PRPF6: variants seen among roughly 807,000 people sequenced by gnomAD.
PRPF6 encodes pre-mRNA-processing factor 6.
In PRPF6, 42 loss-of-function variants were observed where a neutral mutation model predicts 118.3. The ratio of observed to expected loss-of-function variants is 0.35; its 90% CI spans 0.28 to 0.46. The LOEUF is 0.46. Among genes scored for constraint, PRPF6 ranks in the 20% least tolerant of loss-of-function variants. PRPF6 has a pLI of 1.00. For synonymous variants in PRPF6, 481 were observed against 485.1 expected (o/e 0.99, Z 0.11); for missense variants, 662 against 1,255.7 (o/e 0.53, Z 7.15).
rs913658186 is a variant in PRPF6 at position 64,026,519 on chromosome 20, CAACA to C, written c.2029-458_2029-455del. On this transcript the variant is annotated intron_variant, in intron 15 of 20. Transcript: ENST00000266079. This position sits in a 1 kb window ranked among gnomAD's most constrained non-coding sequence, Gnocchi z 4.4. ...GAAACTGTCTCAGCAACAACAACAACAACAAACATGTTCATACGGCCGGGTGTGG... is the reference window on the plus strand; with the variant it reads ...GAAACTGTCTCAGCAACAACAACAACAACATGTTCATACGGCCGGGTGTGG... Among the ~76,000 whole-genome samples the C allele has an allele frequency of 3.4e-5, 5 of 149,118 alleles. No homozygotes were observed. The highest frequency in any genetic ancestry group is 9.9e-5 in the African/African-American group (4 of 40,334).
chr20:64,000,422 G>A (rs1361930631), intron 8 of PRPF6, among the ~76,000 whole-genome samples: 2 of 139,104 alleles, frequency 1.4e-5, no homozygotes, highest in African/African-American at 5.4e-5. Flanking sequence ...GCACCATGCT[G>A]CTCCAGCCTG....
intron 12 of PRPF6, among the ~76,000 whole-genome samples, chr20:64,022,004 G>A (rs1165902537): frequency 1.3e-5 from 2 of 149,740 alleles, no homozygotes; most frequent in Non-Finnish European, 2.9e-5. Context: ...GTGTGTGTGT[G>A]TGTGTGTGTG....
chr20:64,001,548 C>T (rs1386839798), intron 9 of PRPF6, among the ~76,000 whole-genome samples: 2 of 152,182 alleles, frequency 1.3e-5, no homozygotes, highest in South Asian at 2.1e-4. Flanking sequence ...GTGAGAACAA[C>T]GGTAGCTCAA....
At chr20:64,030,859 G>A (rs1359627347) in intron 19 of PRPF6, among the ~76,000 whole-genome samples, 1 of 152,220 alleles carries the variant, frequency 6.6e-6, no homozygotes. Flanking sequence ...AGACGAACCC[G>A]AACAGCTGCC....
At position 64,026,285 on chromosome 20, in the gene PRPF6, TC is replaced by T. The variant is rs2059290521; in HGVS notation, c.2028+228del. Among the ~76,000 whole-genome samples, 2 of 151,638 alleles carry T rather than the reference TC, an allele frequency of 1.3e-5. No individual in the cohort carries two copies. Among genetic ancestry groups the T allele is most frequent in the African/African-American group, 4.9e-5 (2 of 41,202 alleles). On this transcript the variant is annotated intron_variant, in intron 15 of 20. Transcript: ENST00000266079. This position sits in a 1 kb window ranked among gnomAD's most constrained non-coding sequence, Gnocchi z 4.4. ...ACTTTGGGAGGCCAAGGCGGACAGA[TC>T]ACCTGAGGGTGGGAGTTTGAGACCA...
intron 19 of PRPF6, 59 bp from the exon 20 acceptor site, chr20:64,031,859 G>GC (rs2059316152): frequency 6.2e-7 from 1 of 1,612,764 alleles, no homozygotes; most frequent in African/African-American, 1.3e-5. Flanking sequence ...CCGTTCCCCT[G>GC]CCCCAGAATA....
At chr20:64,030,465 C>T (rs1466086450) in intron 19 of PRPF6, among the ~76,000 whole-genome samples, 1 of 152,168 alleles carries the variant, frequency 6.6e-6, no homozygotes, top group African/African-American at 2.4e-5. Context: ...GGTGCTTGGT[C>T]TCCAGAGGTC....
Position 64,027,750 on chromosome 20 carries a change from G to T in PRPF6, c.2339+14G>T. 1 of 1,613,494 alleles carries T rather than the reference G, an allele frequency of 6.2e-7. No individual in the cohort carries two copies. Among genetic ancestry groups the T allele is most frequent in the Non-Finnish European group, 8.5e-7 (1 of 1,179,996 alleles). On this transcript the variant is annotated intron_variant, in intron 17 of 20. Transcript: ENST00000266079. This position sits in a 1 kb window ranked among gnomAD's most constrained non-coding sequence, Gnocchi z 6.5. ...CCCTGGGCTGTGGTGAGTCCTGGAG[G>T]GGGCAGCCTGGCCTCTGGGCACAGC...
At chr20:63,989,384 C>T (rs1181365659) in intron 3 of PRPF6, among the ~76,000 whole-genome samples, 3 of 151,710 alleles carry the variant, frequency 2.0e-5, no homozygotes, top group Non-Finnish European at 1.5e-5. Context: ...GGCTCGCTCC[C>T]GTGAGCCAAG....
chr20:63,983,947 C>G (rs1472128238), intron 2 of PRPF6, among the ~76,000 whole-genome samples: 1 of 152,164 alleles, frequency 6.6e-6, no homozygotes, highest in Admixed American at 6.5e-5. Flanking sequence ...GCCACTGCGC[C>G]TGGCTGCCAG....
intron 6 of PRPF6, among the ~76,000 whole-genome samples, chr20:63,998,101 T>G (rs2059149247): frequency 6.6e-6 from 1 of 152,110 alleles, no homozygotes; most frequent in Non-Finnish European, 1.5e-5. Flanking sequence ...AAAATTTTAT[T>G]TATTTTTTTT....
intron 1 of PRPF6, among the ~76,000 whole-genome samples, chr20:63,982,688 C>T (rs943601497): frequency 2.0e-5 from 3 of 152,050 alleles, no homozygotes; most frequent in Non-Finnish European, 2.9e-5. Context: ...ATCATGGTCC[C>T]GTGGCATCTG....
Position 63,987,781 on chromosome 20 carries a change from C to G in PRPF6, c.359+2756C>G, listed in dbSNP as rs569564124. Among the ~76,000 whole-genome samples, 5 of 152,328 alleles carry G rather than the reference C, an allele frequency of 3.3e-5. No individual in the cohort carries two copies. The South Asian group carries it at 1.0e-3, about 32-fold the overall frequency. ...CAGGCTATGCCCCCAGGTGTGGTGG[C>G]TCACACCTGTAATCCCAGCACTTTG... is the stretch of plus-strand genomic sequence containing the variant. On this transcript the variant is annotated intron_variant, in intron 3 of 20. Coordinates refer to ENST00000266079, the MANE Select transcript of PRPF6 (RefSeq NM_012469.4).
At position 63,994,159 on chromosome 20, in the gene PRPF6, T is replaced by C. The variant is rs1468708674; in HGVS notation, c.438+674T>C. 5.7e-5 allele frequency among the ~76,000 whole-genome samples: 8 copies of C among 140,208 alleles called. No homozygotes were observed. The Admixed American group carries it at 5.7e-4, about 10-fold the overall frequency. 92.0% of individuals were successfully genotyped at this position (140,208 alleles called of 152,430 possible). The stretch of plus-strand genomic sequence containing the variant: ...TAAATTGATTTTTCTTTTCTTTTTC[T>C]TTTTTTTTTTTTTTTGAGACGGAGT... On this transcript the variant is annotated intron_variant, in intron 4 of 20. Transcript: ENST00000266079.
At chr20:63,999,494 A>G in intron 7 of PRPF6, 109 bp from the exon 8 acceptor site, 2 of 1,432,124 alleles carry the variant, frequency 1.4e-6, no homozygotes, top group Non-Finnish European at 2.0e-6. Flanking sequence ...TCAGGACATC[A>G]GGACTGATAG....
rs764828248 is a variant in PRPF6 at position 63,995,365 on chromosome 20, A to G, written c.654A>G (p.Leu218=). 3 of 1,613,782 alleles carry G rather than the reference A, an allele frequency of 1.9e-6. No homozygotes were observed. Among genetic ancestry groups the G allele is most frequent in the South Asian group, 1.1e-5 (1 of 91,052 alleles). The change falls in exon 6 of 21, where the codon CTA becomes CTG. Residue 218 remains leucine (L), a synonymous_variant. Transcript: ENST00000266079. ...TTAACACACCCTATCCAGGTGGACT[A>G]AACACTCCATACCCAGGTGGAATGA... The part of the protein sequence containing the change: ...GGLNTPYPGG[L]NTPYPGGMTP...
intron 19 of PRPF6, among the ~76,000 whole-genome samples, chr20:64,031,162 T>A (rs816933): frequency 6.6e-6 from 1 of 152,236 alleles, no homozygotes; most frequent in African/African-American, 2.4e-5. Flanking sequence ...CCCAGGCCCT[T>A]GTGCTGCCTG....
chr20:64,032,642 T>C (rs2059320342), intron 20 of PRPF6, among the ~76,000 whole-genome samples, 199 bp from the exon 21 acceptor site: 2 of 152,220 alleles, frequency 1.3e-5, no homozygotes, highest in African/African-American at 4.8e-5. Context: ...GTGGGGTCCA[T>C]GCTCCTCAGG....
At position 64,005,415 on chromosome 20, in the gene PRPF6, C is replaced by T. The variant is rs183676484; in HGVS notation, c.1186+4176C>T. Among the ~76,000 whole-genome samples, 33 of 152,318 alleles carry T rather than the reference C, an allele frequency of 2.2e-4. No homozygotes were observed. The East Asian group carries it at 6.4e-3, about 29-fold the overall frequency. ...ATTTAGACAAATAGAGCACTCATCTCCCACGCAGTCGAGGTGAGAGCGCAC... is the reference window on the plus strand; with the variant it reads ...ATTTAGACAAATAGAGCACTCATCTTCCACGCAGTCGAGGTGAGAGCGCAC... On this transcript the variant is annotated intron_variant, in intron 9 of 20. Coordinates refer to ENST00000266079, the MANE Select transcript of PRPF6 (RefSeq NM_012469.4).
Sources: gnomAD v4.1 joint callset for allele counts (sites outside exome capture counted in the v4.1 genomes callset) on GRCh38, gnomAD v4.1.1 for gene constraint, Gnocchi (gnomAD v3.1) non-coding constraint, MANE v1.5 for transcripts, NCBI Gene and HGNC (gene_info 2026-07-23, HGNC 2026-07-21) for gene names.